DEPDC5: variants seen among roughly 807,000 people sequenced by gnomAD.
The protein encoded by DEPDC5 is DEP domain containing 5, GATOR1 subcomplex subunit.
A neutral mutation model predicts 217.3 loss-of-function variants in DEPDC5; 73 were observed. The ratio of observed to expected loss-of-function variants is 0.34; its 90% CI spans 0.28 to 0.41. DEPDC5 has a LOEUF of 0.41. DEPDC5 is among the 10% of genes least tolerant of loss of function. DEPDC5 has a pLI of 1.00. For synonymous variants in DEPDC5, 733 were observed against 756.7 expected, an observed-to-expected ratio of 0.97 and a Z score of 0.51; for missense variants, 1,675 against 2,070.1, an observed-to-expected ratio of 0.81 and a Z score of 3.70.
chr22:31,809,906 C>T (rs995823731), intron 19 of DEPDC5, among the ~76,000 whole-genome samples: 22 of 152,000 alleles, frequency 1.4e-4, no homozygotes, highest in East Asian at 1.9e-4. Context: ...CACTTGAACC[C>T]GGGAGGCAGA....
chr22:31,758,539 C>G lies in DEPDC5; in HGVS notation c.59-7C>G. On this transcript the variant is annotated splice_region_variant and splice_polypyrimidine_tract_variant and intron_variant, in intron 2 of 42. Transcript: ENST00000651528. Reference sequence around the variant, plus strand: ...TTTCTACTTGAAGTGGCTGAATTGTCTTTCAGATGATGAGCTAGTTGTGAA... The same window carrying G: ...TTTCTACTTGAAGTGGCTGAATTGTGTTTCAGATGATGAGCTAGTTGTGAA... 1 of 1,613,870 alleles carries G rather than the reference C, an allele frequency of 6.2e-7. No homozygotes were observed. The highest frequency in any genetic ancestry group is 8.5e-7 in the Non-Finnish European group (1 of 1,179,804).
At chr22:31,832,809 T>C (rs1020470978) in intron 24 of DEPDC5, among the ~76,000 whole-genome samples, 1 of 152,248 alleles carries the variant, frequency 6.6e-6, no homozygotes, top group South Asian at 2.1e-4. Context: ...CTATATCTTC[T>C]GGATGCAAGT....
intron 15 of DEPDC5, among the ~76,000 whole-genome samples, chr22:31,803,204 G>A (rs755246637): frequency 2.6e-5 from 4 of 151,714 alleles, no homozygotes; most frequent in Non-Finnish European, 4.4e-5. Context: ...GCTGTCAGCC[G>A]ATTTTCTTTC....
chr22:31,804,841 G>A lies in DEPDC5; in HGVS notation c.1144-1G>A. On this transcript the variant is annotated splice_acceptor_variant, in intron 16 of 42. Coordinates refer to ENST00000651528, the MANE Select transcript of DEPDC5 (RefSeq NM_001242896.3). LOFTEE classifies it high-confidence loss of function. ...CTGTGCTCTCATTTTTCTCCTTGCA[G>A]CTCCATAATCGGAGTGCTCCCCGTG... The A allele has an allele frequency of 1.9e-6, 3 of 1,613,628 alleles. No homozygotes were observed. Among genetic ancestry groups the A allele is most frequent in the Non-Finnish European group, 2.5e-6 (3 of 1,179,670 alleles).
At chr22:31,797,934 T>G (rs1233349700) in intron 13 of DEPDC5, among the ~76,000 whole-genome samples, 2 of 151,666 alleles carry the variant, frequency 1.3e-5, no homozygotes, top group African/African-American at 4.8e-5. Flanking sequence ...CTTCCTTTTT[T>G]TTTTTTTTGA....
chr22:31,862,439 C>G (rs1407562900), intron 33 of DEPDC5, among the ~76,000 whole-genome samples: 1 of 151,932 alleles, frequency 6.6e-6, no homozygotes, highest in Non-Finnish European at 1.5e-5. Context: ...GTGGCACATG[C>G]TGGTAATCCC....
At position 31,781,432 on chromosome 22, in the gene DEPDC5, TTTA is replaced by T. The variant is rs1215953606; in HGVS notation, c.484-2466_484-2464del. Among the ~76,000 whole-genome samples the T allele has an allele frequency of 2.0e-5, 3 of 150,360 alleles. No homozygotes were observed. In the East Asian group the frequency reaches 5.8e-4, roughly 29 times the overall value. On this transcript the variant is annotated intron_variant, in intron 8 of 42. Coordinates refer to ENST00000651528, the MANE Select transcript of DEPDC5 (RefSeq NM_001242896.3). ...AGAAAAACATGAGTTTATTTATTTA[TTTA>T]TTATTATTTTTTATTGAGATGGAGT...
Position 31,810,609 on chromosome 22 carries a change from C to T in DEPDC5, c.1413C>T (p.Gly471=), listed in dbSNP as rs1347033298. The change falls in exon 20 of 43, where the codon GGC becomes GGT. Residue 471 remains glycine, a synonymous_variant. Transcript: ENST00000651528. ...ACGCTCAAGTGTTCAGGCTGCCCGGCCCATCCCGGGCCCAGTGCCTCACCA... is the reference window on the plus strand; with the variant it reads ...ACGCTCAAGTGTTCAGGCTGCCCGGTCCATCCCGGGCCCAGTGCCTCACCA... ...AYDAQVFRLP[G]PSRAQCLTTC... is the part of the protein sequence containing the mutation. 4 of 1,614,078 alleles carry T rather than the reference C, an allele frequency of 2.5e-6. No individual in the cohort carries two copies. In the African/African-American group the frequency reaches 5.3e-5, roughly 22 times the overall value.
At position 31,874,380 on chromosome 22, in the gene DEPDC5, A is replaced by G; in HGVS notation, c.3671A>G (p.Gln1224Arg). ...LVNHVEGIQT[Q>R]AMAIDIMQKM... is the part of the protein sequence containing the mutation. ...AACCACGTGGAGGGGATCCAGACAC[A>G]GGCGATGGCCATTGACATCATGCAG... The change falls in exon 36 of 43, where the codon CAG becomes CGG. Residue 1224 changes from glutamine (Q) to arginine (R), a missense_variant. By Grantham distance (43) the Gln-to-Arg change is conservative (BLOSUM62 1). Transcript: ENST00000651528. The G allele has an allele frequency of 6.2e-7, 1 of 1,612,632 alleles. No individual in the cohort carries two copies. Among genetic ancestry groups the G allele is most frequent in the East Asian group, 2.2e-5 (1 of 44,812 alleles).
chr22:31,888,561 T>G (rs1427735341), intron 38 of DEPDC5, among the ~76,000 whole-genome samples: 1 of 151,176 alleles, frequency 6.6e-6, no homozygotes, highest in Admixed American at 6.6e-5. Flanking sequence ...TCTTTGTTTG[T>G]GTTTTTGACA....
intron 10 of DEPDC5, chr22:31,785,127 C>T (rs1488411709): frequency 1.3e-5 from 5 of 380,962 alleles, no homozygotes; most frequent in Admixed American, 4.4e-5. Flanking sequence ...CTTGCTTTTG[C>T]CACTGATATT....
At chr22:31,778,818 T>A (rs572474845) in intron 8 of DEPDC5, among the ~76,000 whole-genome samples, 3 of 152,308 alleles carry the variant, frequency 2.0e-5, no homozygotes, top group African/African-American at 7.2e-5. Flanking sequence ...CCCATCTCCA[T>A]GCCTTCTCTG....
intron 4 of DEPDC5, among the ~76,000 whole-genome samples, chr22:31,763,570 G>A (rs1352749267): frequency 1.3e-5 from 2 of 151,248 alleles, no homozygotes; most frequent in Admixed American, 6.6e-5. Flanking sequence ...TCCGCCTCCC[G>A]AGTAGCTAAG....
intron 37 of DEPDC5, 86 bp downstream of exon 37, chr22:31,876,351 C>T (rs1204877927): frequency 5.0e-6 from 5 of 997,702 alleles, no homozygotes; most frequent in African/African-American, 1.6e-5. Context: ...GCTTCCTGAG[C>T]TGCATGTGTG....
At chr22:31,777,713 A>G (rs2084019658) in intron 7 of DEPDC5, among the ~76,000 whole-genome samples, 1 of 152,074 alleles carries the variant, frequency 6.6e-6, no homozygotes, top group Non-Finnish European at 1.5e-5. Context: ...TAAGTAGCAG[A>G]GCCACCTGAA....
chr22:31,873,037 A>G (rs111290507), intron 34 of DEPDC5: 16,560 of 832,294 alleles, frequency 0.02, 198 homozygotes, highest in African/African-American at 0.028. Flanking sequence ...TTACAGACGT[A>G]AGCCACCAAA....
chr22:31,888,238 T>TG (rs2093359738), intron 38 of DEPDC5, among the ~76,000 whole-genome samples: 2 of 115,220 alleles, frequency 1.7e-5, no homozygotes, highest in African/African-American at 3.2e-5. Context: ...GTTTTGTCTG[T>TG]GGTTTTTTTT....
Position 31,810,612 on chromosome 22 carries a change from A to G in DEPDC5, c.1416A>G (p.Pro472=), listed in dbSNP as rs930376201. The part of the protein sequence containing the change: ...YDAQVFRLPG[P]SRAQCLTTCR... ...CTCAAGTGTTCAGGCTGCCCGGCCC[A>G]TCCCGGGCCCAGTGCCTCACCACCT... Residue 472 remains proline, a synonymous_variant, in exon 20 of 43, where the codon CCA becomes CCG. Coordinates refer to ENST00000651528, the MANE Select transcript of DEPDC5 (RefSeq NM_001242896.3). 36 of 1,614,082 alleles carry G rather than the reference A, an allele frequency of 2.2e-5. No homozygotes were observed. Among genetic ancestry groups the G allele is most frequent in the Non-Finnish European group, 3.0e-5 (35 of 1,180,050 alleles).
chr22:31,864,522 A>T (rs141117237), intron 33 of DEPDC5, among the ~76,000 whole-genome samples: 4,550 of 132,998 alleles, frequency 0.034, 179 homozygotes, highest in Middle Eastern at 0.055. Context: ...ATATATATAT[A>T]TATTTATATA....
Sources: allele counts gnomAD v4.1 joint callset (sites outside exome capture counted in the v4.1 genomes callset), GRCh38; gene constraint gnomAD v4.1.1; transcripts MANE v1.5; gene names NCBI Gene and HGNC (gene_info 2026-07-23, HGNC 2026-07-21).